The following TVP23C variants were observed in gnomAD, a reference collection of about 807,000 sequenced individuals.
The protein encoded by TVP23C is Golgi apparatus membrane protein TVP23 homolog C.
A neutral mutation model predicts 28.7 loss-of-function variants in TVP23C; 19 were observed. That is an observed-to-expected ratio of 0.66 (90% CI 0.46 to 0.97). TVP23C has a LOEUF of 0.97. TVP23C is among the 50% of genes least tolerant of loss of function. The probability of loss-of-function intolerance (pLI) is 0.00; values close to 1 mark genes in which losing one functional copy is unlikely to be tolerated. For missense variants in TVP23C, 186 were observed against 241.3 expected, an observed-to-expected ratio of 0.77 and a Z score of 1.52; for synonymous variants, 68 against 81.7, an observed-to-expected ratio of 0.83 and a Z score of 0.90.
downstream of TVP23C, among the ~76,000 whole-genome samples, chr17:15,536,290 C>T (rs953838658): frequency 6.6e-6 from 1 of 152,144 alleles, no homozygotes; most frequent in African/African-American, 2.4e-5. Context: ...CAAAACGAAG[C>T]CTTTATCACA....
At chr17:15,560,766 G>A (rs1276249764) in intron 1 of TVP23C, among the ~76,000 whole-genome samples, 1 of 149,214 alleles carries the variant, frequency 6.7e-6, no homozygotes, top group Non-Finnish European at 1.5e-5. Context: ...GTGTTAGCCA[G>A]GATGGTCTCG....
intron 5 of TVP23C, among the ~76,000 whole-genome samples, chr17:15,518,243 G>A (rs1277624164): frequency 6.6e-6 from 1 of 151,264 alleles, no homozygotes; most frequent in Non-Finnish European, 1.5e-5. Context: ...GTCAGGAGGT[G>A]AAGCCAATAC....
At chr17:15,504,805 A>C (rs1290200350) in intron 5 of TVP23C, among the ~76,000 whole-genome samples, 1 of 152,092 alleles carries the variant, frequency 6.6e-6, no homozygotes, top group Non-Finnish European at 1.5e-5. Flanking sequence ...CAAAGTGCTG[A>C]GATTACAGGT....
rs191121111 is a variant in TVP23C, at chr17:15,540,495, G to T, written c.529C>A (p.Arg177Ser). 2.5e-6 allele frequency: 4 copies of T among 1,611,854 alleles called. No individual in the cohort carries two copies. Among genetic ancestry groups the T allele is most frequent in the African/African-American group, 1.3e-5 (1 of 74,698 alleles). The change falls in exon 6 of 6, where the codon CGC becomes AGC. Residue 177 changes from arginine (R) to serine (S), a missense_variant. Transcript: ENST00000518321. ...ATGCTGGTTAAATGCTTTCTGCTGC[G>T]CACCTTACACCTGATGTAACCATAC... is the stretch of plus-strand genomic sequence containing the variant. ...NLYGYIRCKV[R>S]SRKHLTSMAT...
chr17:15,546,621 G>C (rs1983657496), intron 4 of TVP23C, among the ~76,000 whole-genome samples: 1 of 148,510 alleles, frequency 6.7e-6, no homozygotes, highest in Non-Finnish European at 1.5e-5. Context: ...CTTAGGAATA[G>C]AGTGCTCCAA....
In TVP23C at chr17:15,538,414, C is replaced by T. The variant is rs1431724011; in HGVS notation, c.*1998G>A. 7 of 767,082 alleles carry T rather than the reference C, an allele frequency of 9.1e-6. No individual in the cohort carries two copies. The highest frequency in any genetic ancestry group is 6.5e-4 in the Middle Eastern group (1 of 1,528). The allele number at this position is 767,082 out of a possible 1,614,324, so 47.5% of individuals were successfully genotyped here. On this transcript the variant is annotated 3_prime_UTR_variant, in exon 6 of 6. Coordinates refer to ENST00000518321, the MANE Select transcript of TVP23C (RefSeq NM_001135036.2). ...GACCCTCCTGGCTAACACAGTGAAACCCCGTCTCTACTAAAAATACAAAAA... is the reference window on the plus strand; with the variant it reads ...GACCCTCCTGGCTAACACAGTGAAATCCCGTCTCTACTAAAAATACAAAAA...
At chr17:15,530,422 C>T (rs1243254611) in intron 5 of TVP23C, among the ~76,000 whole-genome samples, 1 of 152,130 alleles carries the variant, frequency 6.6e-6, no homozygotes, top group South Asian at 2.1e-4. Flanking sequence ...TGGTATAGCT[C>T]TATTCCCTTC....
chr17:15,503,054 T>C (rs1567627606), exon 6 of TVP23C: 3 of 1,614,072 alleles, frequency 1.9e-6, no homozygotes, highest in South Asian at 1.1e-5. Flanking sequence ...AGGTTTCCAG[T>C]AAAGAGCTCG....
intron 5 of TVP23C, chr17:15,507,009 T>C: frequency 7.7e-7 from 1 of 1,303,526 alleles, no homozygotes; most frequent in Non-Finnish European, 1.1e-6. Context: ...GATTTGGTTA[T>C]AAGGGTTCCT....
Position 15,563,432 on chromosome 17 carries a change from C to T in TVP23C, c.12+5G>A. The T allele has an allele frequency of 6.3e-7, 1 of 1,594,078 alleles. No individual in the cohort carries two copies. The highest frequency in any genetic ancestry group is 8.5e-7 in the Non-Finnish European group (1 of 1,172,180). ...CACCCTCCCAGCGCGCCCTCAGCCC[C>T]TCACCTGCTGCAACATGGCGGCCCT... On this transcript the variant is annotated splice_donor_5th_base_variant and intron_variant, in intron 1 of 5. Transcript: ENST00000518321.
At chr17:15,524,975 C>T (rs1451335748) in intron 5 of TVP23C, among the ~76,000 whole-genome samples, 1 of 152,236 alleles carries the variant, frequency 6.6e-6, no homozygotes, top group East Asian at 1.9e-4. Flanking sequence ...GCTTCATCTT[C>T]TGAAAAGGAA....
intron 5 of TVP23C, among the ~76,000 whole-genome samples, chr17:15,518,218 C>T (rs1982317165): frequency 6.7e-6 from 1 of 150,330 alleles, no homozygotes; most frequent in Admixed American, 6.6e-5. Flanking sequence ...ACAGAGAACC[C>T]AATAGGCACT....
At chr17:15,543,312 A>G (rs1424838117) in intron 5 of TVP23C, among the ~76,000 whole-genome samples, 2 of 150,816 alleles carry the variant, frequency 1.3e-5, no homozygotes, top group Non-Finnish European at 3.0e-5. Flanking sequence ...GCAGAAAGAG[A>G]AGGGCTGGAC....
chr17:15,506,076 G>A (rs991054674), intron 5 of TVP23C, among the ~76,000 whole-genome samples: 7 of 152,386 alleles, frequency 4.6e-5, no homozygotes, highest in South Asian at 2.1e-4. Context: ...GAGTGCGAGC[G>A]CACGGCGCAG....
chr17:15,553,595 A>G (rs895445387), intron 3 of TVP23C, 90 bp downstream of exon 3: 3 of 1,500,870 alleles, frequency 2.0e-6, no homozygotes, highest in Non-Finnish European at 8.9e-7. Context: ...TGAAGTAACA[A>G]AAGATTAACA....
At chr17:15,550,917 GTAGTT>G (rs1983855141) in intron 3 of TVP23C, among the ~76,000 whole-genome samples, 1 of 152,034 alleles carries the variant, frequency 6.6e-6, no homozygotes, top group African/African-American at 2.4e-5. Context: ...CTTTAAATGG[GTAGTT>G]TAATCAAATT....
At chr17:15,513,060 C>G (rs568643374) in intron 5 of TVP23C, among the ~76,000 whole-genome samples, 1 of 152,296 alleles carries the variant, frequency 6.6e-6, no homozygotes, top group African/African-American at 2.4e-5. Flanking sequence ...ACTTTCTGTT[C>G]TTTTGCATGC....
intron 5 of TVP23C, among the ~76,000 whole-genome samples, chr17:15,505,835 A>G (rs1175866180): frequency 6.6e-6 from 1 of 152,196 alleles, no homozygotes; most frequent in Non-Finnish European, 1.5e-5. Flanking sequence ...CACCCGGGCC[A>G]GCGGCTGCGT....
Position 15,538,071 on chromosome 17 carries a change from G to A in TVP23C, c.*2341C>T, listed in dbSNP as rs1983231002. 1 of 1,609,136 alleles carries A rather than the reference G, an allele frequency of 6.2e-7. No individual in the cohort carries two copies. On this transcript the variant is annotated 3_prime_UTR_variant, in exon 6 of 6. Coordinates refer to ENST00000518321, the MANE Select transcript of TVP23C (RefSeq NM_001135036.2). ...CATGGACTAAGCTCTAAAAGGTTGA[G>A]TCAAGAATCTCTTCAGTTGTTCCCC...
Sources: allele counts gnomAD v4.1 joint callset (sites outside exome capture counted in the v4.1 genomes callset), GRCh38; gene constraint gnomAD v4.1.1; transcripts MANE v1.5; gene names NCBI Gene and HGNC (gene_info 2026-07-23, HGNC 2026-07-21).